Variants in ADCY1 observed in about 807,000 individuals in gnomAD.
ADCY1 encodes the protein adenylate cyclase 1, also known as adenylate cyclase type 1.
In ADCY1, 28 loss-of-function variants were observed where a neutral mutation model predicts 105.4. The observed-to-expected ratio is 0.27, with a 90% CI of 0.20 to 0.36. The LOEUF (loss-of-function observed/expected upper bound fraction) is 0.36, where lower values mean the gene tolerates loss of function less well. ADCY1 is among the 10% of genes least tolerant of loss of function. The pLI, the probability that ADCY1 is intolerant of heterozygous loss-of-function variation, is 1.00. For synonymous variants in ADCY1, 655 were observed against 623.8 expected (o/e 1.05, Z -0.75); for missense variants, 977 against 1,434.2 (o/e 0.68, Z 5.15).
chr7:45,607,546 G>A (rs1036380308), intron 2 of ADCY1, among the ~76,000 whole-genome samples: 9 of 152,124 alleles, frequency 5.9e-5, no homozygotes, highest in Admixed American at 1.3e-4. Context: ...CCCATAACCC[G>A]GGTACTAAAG....
rs1785380704 is a variant in ADCY1, at chr7:45,717,482, T to C, written c.*3487T>C. 6.6e-6 allele frequency: 1 copy of C among 152,626 alleles called. No homozygotes were observed. Among genetic ancestry groups the C allele is most frequent in the Admixed American group, 6.5e-5 (1 of 15,278 alleles). 9.5% of individuals were successfully genotyped at this position (152,626 alleles called of 1,614,324 possible). On this transcript the variant is annotated 3_prime_UTR_variant, in exon 20 of 20. Transcript: ENST00000297323. ...TATTCATGTACAAATGTTAGAGCCATTCGGGTAGGATTCTCTCTAAATTAT... is the reference window on the plus strand; with the variant it reads ...TATTCATGTACAAATGTTAGAGCCACTCGGGTAGGATTCTCTCTAAATTAT...
At chr7:45,657,587 A>C (rs994810919) in intron 5 of ADCY1, 140 bp from the exon 6 acceptor site, 2 of 888,214 alleles carry the variant, frequency 2.3e-6, no homozygotes, top group Non-Finnish European at 3.4e-6. Flanking sequence ...CTATGCCAGG[A>C]GACCTCCACG....
At position 45,714,239 on chromosome 7, in the gene ADCY1, A is replaced by G. The variant is rs540989170; in HGVS notation, c.*244A>G. On this transcript the variant is annotated 3_prime_UTR_variant, in exon 20 of 20. Coordinates refer to ENST00000297323, the MANE Select transcript of ADCY1 (RefSeq NM_021116.4). ...TGTGCACACTTCCAGGCCTCCCTGGAGAGGTGTCCACTCCATCCTTCCCTC... is the reference window on the plus strand; with the variant it reads ...TGTGCACACTTCCAGGCCTCCCTGGGGAGGTGTCCACTCCATCCTTCCCTC... 103 of 543,146 alleles carry G rather than the reference A, an allele frequency of 1.9e-4. No individual in the cohort carries two copies. The highest frequency in any genetic ancestry group is 2.4e-4 in the Non-Finnish European group (73 of 306,288). The allele number at this position is 543,146 out of a possible 1,614,324, so 33.6% of individuals were successfully genotyped here.
intron 1 of ADCY1, among the ~76,000 whole-genome samples, chr7:45,578,294 G>A (rs140481106): frequency 7.9e-5 from 12 of 152,286 alleles, no homozygotes; most frequent in African/African-American, 2.2e-4. Context: ...TACCTGGGCC[G>A]GCACTGAGGG....
chr7:45,587,815 TTG>T (rs1792778833), intron 1 of ADCY1, among the ~76,000 whole-genome samples: 1 of 152,168 alleles, frequency 6.6e-6, no homozygotes, highest in South Asian at 2.1e-4. Context: ...CCTCACTGCA[TTG>T]TGTCAGGGCA....
intron 1 of ADCY1, among the ~76,000 whole-genome samples, chr7:45,589,818 C>T (rs1213240160): frequency 2.0e-5 from 3 of 152,024 alleles, no homozygotes; most frequent in Admixed American, 1.3e-4. Context: ...AGGCAGTGCC[C>T]AGCTCCTAGA....
At chr7:45,633,326 A>G (rs770807886) in intron 4 of ADCY1, among the ~76,000 whole-genome samples, 2 of 152,134 alleles carry the variant, frequency 1.3e-5, no homozygotes, top group East Asian at 1.9e-4. Flanking sequence ...CCACTTATAC[A>G]TGGATTTTTT....
rs1359831558 is a variant in ADCY1 at position 45,694,113 on chromosome 7, A to T, written c.2454+7440A>T. ...ACATGTACCCTAAAACTTAGAGTAT[A>T]ATAAAAAAAAAAAAAAAAAAAAAAC... On this transcript the variant is annotated intron_variant, in intron 14 of 19. Transcript: ENST00000297323. Among the ~76,000 whole-genome samples, 109 of 50,104 alleles carry T rather than the reference A, an allele frequency of 2.2e-3. 1 individual carries two copies. Among genetic ancestry groups the T allele is most frequent in the Non-Finnish European group, 4.3e-3 (94 of 21,836 alleles). 32.9% of individuals were successfully genotyped at this position (50,104 alleles called of 152,430 possible). A position where few individuals can be genotyped will look rare whatever the true frequency, so the allele number is the denominator to read the frequency against.
chr7:45,631,085 T>G (rs1794235853), intron 4 of ADCY1, among the ~76,000 whole-genome samples: 1 of 152,208 alleles, frequency 6.6e-6, no homozygotes, highest in Non-Finnish European at 1.5e-5. Flanking sequence ...AGGACAAGGT[T>G]TACACTCAAT....
Position 45,687,403 on chromosome 7 carries a change from G to A in ADCY1, c.2454+730G>A, listed in dbSNP as rs1031288469. On this transcript the variant is annotated intron_variant, in intron 14 of 19. Coordinates refer to ENST00000297323, the MANE Select transcript of ADCY1 (RefSeq NM_021116.4). ...GTCCACCCCATGGCCAGGGGCCAAGGCAGCGTGTGGGTGCTGGTGTGAGCA... is the reference window on the plus strand; with the variant it reads ...GTCCACCCCATGGCCAGGGGCCAAGACAGCGTGTGGGTGCTGGTGTGAGCA... 1.1e-4 allele frequency among the ~76,000 whole-genome samples: 16 copies of A among 152,298 alleles called. No individual in the cohort carries two copies. In the South Asian group the frequency reaches 2.1e-3, roughly 20 times the overall value.
At chr7:45,671,824 TAGAAACGATTCTTTTGTTAG>T (rs1222095002) in intron 8 of ADCY1, among the ~76,000 whole-genome samples, 1 of 152,188 alleles carries the variant, frequency 6.6e-6, no homozygotes, top group Non-Finnish European at 1.5e-5. Context: ...TGGTATATTC[TAGAAACGATTCTTTTGTTAG>T]AGGTGTGGTT....
In ADCY1 at chr7:45,574,526, C is replaced by T. The variant is rs1197122139; in HGVS notation, c.-18C>T. 1.4e-5 allele frequency: 14 copies of T among 975,998 alleles called. No individual in the cohort carries two copies. Among genetic ancestry groups the T allele is most frequent in the South Asian group, 9.5e-5 (2 of 21,148 alleles). The allele number at this position is 975,998 out of a possible 1,614,324, so 60.5% of individuals were successfully genotyped here. On this transcript the variant is annotated 5_prime_UTR_variant, in exon 1 of 20. Coordinates refer to ENST00000297323, the MANE Select transcript of ADCY1 (RefSeq NM_021116.4). The surrounding 1 kb of genome is among the most constrained non-coding windows in gnomAD (Gnocchi z 7.0). ...GCGAGGGGCGCGCCCGCGGCCGCGGCCGCTGCATGGCGCTGAGATGGCGGG... is the reference window on the plus strand; with the variant it reads ...GCGAGGGGCGCGCCCGCGGCCGCGGTCGCTGCATGGCGCTGAGATGGCGGG...
At chr7:45,688,886 C>CGTT (rs1482121778) in intron 14 of ADCY1, among the ~76,000 whole-genome samples, 4 of 151,764 alleles carry the variant, frequency 2.6e-5, no homozygotes, top group African/African-American at 9.7e-5. Flanking sequence ...CATCAGTTAA[C>CGTT]ACTCCCCATT....
intron 14 of ADCY1, among the ~76,000 whole-genome samples, chr7:45,693,194 A>C (rs1584336210): frequency 1.3e-5 from 2 of 152,180 alleles, no homozygotes; most frequent in South Asian, 4.2e-4. Context: ...CCACTTGATC[A>C]TGGTGGATAA....
At chr7:45,711,668 CAT>C (rs1291251957) in intron 19 of ADCY1, among the ~76,000 whole-genome samples, 2 of 132,686 alleles carry the variant, frequency 1.5e-5, no homozygotes, top group Non-Finnish European at 3.2e-5. Flanking sequence ...TATGTATACA[CAT>C]ATACACATAT....
At chr7:45,664,893 A>G (rs759237723) in intron 8 of ADCY1, among the ~76,000 whole-genome samples, 2 of 152,108 alleles carry the variant, frequency 1.3e-5, no homozygotes, top group Non-Finnish European at 2.9e-5. Context: ...TAAGTCCCGC[A>G]TGCATTAGGT....
chr7:45,636,669 T>C (rs1794405535), intron 4 of ADCY1, among the ~76,000 whole-genome samples: 1 of 152,204 alleles, frequency 6.6e-6, no homozygotes, highest in African/African-American at 2.4e-5. Flanking sequence ...ACCTCTCTAG[T>C]AGCTGGGATT....
At chr7:45,680,321 C>T (rs887068655) in intron 11 of ADCY1, 5 of 185,382 alleles carry the variant, frequency 2.7e-5, no homozygotes, top group African/African-American at 1.2e-4. Flanking sequence ...GCTATCTGGG[C>T]CCTGATGCCT....
In ADCY1 at chr7:45,703,263, T is replaced by C. The variant is rs190296475; in HGVS notation, c.2455-113T>C. 1,464 of 945,152 alleles carry C rather than the reference T, an allele frequency of 1.5e-3. 11 individuals are homozygous for C. Among genetic ancestry groups the C allele is most frequent in the South Asian group, 7.8e-3 (553 of 71,248 alleles). 58.5% of individuals were successfully genotyped at this position (945,152 alleles called of 1,614,324 possible). A position where few individuals can be genotyped will look rare whatever the true frequency, so the allele number is the denominator to read the frequency against. On this transcript the variant is annotated intron_variant, in intron 14 of 19. Transcript: ENST00000297323. This position sits in a 1 kb window ranked among gnomAD's most constrained non-coding sequence, Gnocchi z 5.9. ...GGGAGGAGGGACAGGAGCGTGGATG[T>C]AGACCATCAGCACACCTGGAGTCCA...
Sources: allele counts gnomAD v4.1 joint callset (sites outside exome capture counted in the v4.1 genomes callset), GRCh38; gene constraint gnomAD v4.1.1; non-coding constraint Gnocchi (gnomAD v3.1); transcripts MANE v1.5; gene names NCBI Gene and HGNC (gene_info 2026-07-23, HGNC 2026-07-21).